CHAMP1: variants seen among roughly 807,000 people sequenced by gnomAD.
CHAMP1 encodes chromosome alignment-maintaining phosphoprotein 1.
A neutral mutation model predicts 54.5 loss-of-function variants in CHAMP1; 4 were observed. The ratio of observed to expected loss-of-function variants is 0.07; its 90% confidence interval spans 0.04 to 0.17. The LOEUF (loss-of-function observed/expected upper bound fraction) is 0.17. Among genes scored for constraint, CHAMP1 ranks in the 10% least tolerant of loss-of-function variants. CHAMP1 has a pLI of 1.00. For missense variants in CHAMP1, 994 were observed against 968.6 expected, an observed-to-expected ratio of 1.03 and a Z score of -0.35; for synonymous variants, 368 against 342.2, an observed-to-expected ratio of 1.08 and a Z score of -0.83.
chr13:114,324,721 C>T lies in CHAMP1; in HGVS notation c.879C>T (p.Phe293=). 6.2e-7 allele frequency: 1 copy of T among 1,613,826 alleles called. No homozygotes were observed. The highest frequency in any genetic ancestry group is 1.7e-5 in the Admixed American group (1 of 59,992). The change falls in exon 3 of 3, where the codon TTC becomes TTT. Residue 293 remains phenylalanine (F), a synonymous_variant. Coordinates refer to ENST00000361283, the MANE Select transcript of CHAMP1 (RefSeq NM_032436.4). ...AGTCTCCTGAACCTTGGAAGCCGTTCCCTGCTGTCTCCCCAGAGCCTAGGA... is the reference window on the plus strand; with the variant it reads ...AGTCTCCTGAACCTTGGAAGCCGTTTCCTGCTGTCTCCCCAGAGCCTAGGA... ...PSESPEPWKP[F]PAVSPEPRRP... is the part of the protein sequence containing the mutation.
In CHAMP1 at chr13:114,325,818, A is replaced by T; in HGVS notation, c.1976A>T (p.Asp659Val). The T allele has an allele frequency of 1.2e-6, 2 of 1,614,200 alleles. No homozygotes were observed. The highest frequency in any genetic ancestry group is 1.7e-6 in the Non-Finnish European group (2 of 1,180,036). ...QESSSDQEQVDVESIDFSKEN... is the reference protein window; with the variant it reads ...QESSSDQEQVVVESIDFSKEN... Reference sequence around the variant, plus strand: ...TCAAGCAGTGATCAAGAGCAGGTTGATGTGGAATCCATTGATTTTAGCAAA... The same window carrying T: ...TCAAGCAGTGATCAAGAGCAGGTTGTTGTGGAATCCATTGATTTTAGCAAA... Residue 659 changes from aspartate to valine, a missense_variant, in exon 3 of 3, where the codon GAT (aspartate) becomes GTT (valine). Asp to Val is a radical substitution (Grantham distance 152). Around this residue, in one of 3 missense-constraint regions of CHAMP1, gnomAD observed 851 missense variants for 701.3 expected, o/e 1.21. Coordinates refer to ENST00000361283, the MANE Select transcript of CHAMP1 (RefSeq NM_032436.4).
intron 1 of CHAMP1, among the ~76,000 whole-genome samples, chr13:114,319,053 A>G (rs1490238619): frequency 3.3e-5 from 5 of 151,690 alleles, no homozygotes; most frequent in Non-Finnish European, 7.4e-5. Context: ...TGTTTGTTTC[A>G]TCTTGTTTAT....
chr13:114,327,241 G>A lies in CHAMP1; in HGVS notation c.*960G>A, dbSNP rs922872358. The A allele has an allele frequency of 1.2e-5, 2 of 165,312 alleles. No homozygotes were observed. The highest frequency in any genetic ancestry group is 2.9e-5 in the Non-Finnish European group (2 of 68,102). The allele number at this position is 165,312 out of a possible 1,614,324, so 10.2% of individuals were successfully genotyped here. Reference sequence around the variant, plus strand: ...TCAATTATGTTACTGTAAATACCTTGTACCTGTTCATGGATTATTTTATTC... The same window carrying A: ...TCAATTATGTTACTGTAAATACCTTATACCTGTTCATGGATTATTTTATTC... On this transcript the variant is annotated 3_prime_UTR_variant, in exon 3 of 3. Coordinates refer to ENST00000361283, the MANE Select transcript of CHAMP1 (RefSeq NM_032436.4).
chr13:114,316,832 C>T (rs1039309591), intron 1 of CHAMP1, among the ~76,000 whole-genome samples: 2 of 150,022 alleles, frequency 1.3e-5, no homozygotes, highest in African/African-American at 2.5e-5. Context: ...ATCTAAAATG[C>T]TCCTTTTGGC....
intron 1 of CHAMP1, among the ~76,000 whole-genome samples, chr13:114,314,872 C>T (rs910935600): frequency 6.6e-6 from 1 of 152,156 alleles, no homozygotes; most frequent in South Asian, 2.1e-4. Context: ...CAGTCGCTGC[C>T]GAGGCTGGAA....
intron 1 of CHAMP1, among the ~76,000 whole-genome samples, chr13:114,318,890 G>A (rs1425834963): frequency 1.9e-5 from 1 of 51,502 alleles, no homozygotes; most frequent in African/African-American, 8.9e-5. Flanking sequence ...TTTTTTTAAT[G>A]TTCCCTAGTT....
At position 114,315,830 on chromosome 13, in the gene CHAMP1, G is replaced by GTT. The variant is rs1203081237; in HGVS notation, c.-179+1190_-179+1191dup. 2.4e-4 allele frequency among the ~76,000 whole-genome samples: 35 copies of GTT among 144,942 alleles called. 1 individual carries two copies. Among genetic ancestry groups the GTT allele is most frequent in the African/African-American group, 7.9e-4 (31 of 39,200 alleles). On this transcript the variant is annotated intron_variant, in intron 1 of 2. Coordinates refer to ENST00000361283, the MANE Select transcript of CHAMP1 (RefSeq NM_032436.4). ...GCTTTTAAAAATGATTAAATGGCAA[G>GTT]TTTTGTTTTTTTTTTTTTTTTTGAG... is the stretch of plus-strand genomic sequence containing the variant.
In CHAMP1 at chr13:114,324,765, C is replaced by T. The variant is rs1555379590; in HGVS notation, c.923C>T (p.Ser308Leu). 1.5e-5 allele frequency: 24 copies of T among 1,614,028 alleles called. No homozygotes were observed. Among genetic ancestry groups the T allele is most frequent in the Non-Finnish European group, 1.9e-5 (22 of 1,179,922 alleles). Residue 308 changes from serine to leucine, a missense_variant, in exon 3 of 3, where the codon TCA becomes TTA. Ser to Leu is a moderately radical substitution (Grantham distance 145). Around this residue, in one of 3 missense-constraint regions of CHAMP1, gnomAD observed 851 missense variants for 701.3 expected, o/e 1.21. Coordinates refer to ENST00000361283, the MANE Select transcript of CHAMP1 (RefSeq NM_032436.4). ...CCTAGGAGACCAGCCCCCGCTGTGTCACCAGGCTCTTGGAAACCAGGGCCA... is the reference window on the plus strand; with the variant it reads ...CCTAGGAGACCAGCCCCCGCTGTGTTACCAGGCTCTTGGAAACCAGGGCCA... ...PEPRRPAPAVSPGSWKPGPPG... is the reference protein window; with the variant it reads ...PEPRRPAPAVLPGSWKPGPPG...
In CHAMP1 at chr13:114,324,564, C is replaced by T; in HGVS notation, c.722C>T (p.Ser241Leu). Residue 241 changes from serine to leucine, a missense_variant, in exon 3 of 3, where the codon TCA (serine) becomes TTA (leucine). Physicochemically the swap from Ser to Leu is moderately radical, Grantham distance 145 (BLOSUM62 -2). Coordinates refer to ENST00000361283, the MANE Select transcript of CHAMP1 (RefSeq NM_032436.4). Reference sequence around the variant, plus strand: ...TTCCCGGAAACATTGGGGCCACCTTCAGCCTCATCTCCAGAGTCACCAGTT... The same window carrying T: ...TTCCCGGAAACATTGGGGCCACCTTTAGCCTCATCTCCAGAGTCACCAGTT... Reference protein sequence around the residue: ...SHFPETLGPPSASSPESPVLA... With the variant: ...SHFPETLGPPLASSPESPVLA... The T allele has an allele frequency of 6.2e-7, 1 of 1,614,156 alleles. No homozygotes were observed. The highest frequency in any genetic ancestry group is 8.5e-7 in the Non-Finnish European group (1 of 1,180,024).
At chr13:114,321,529 G>A (rs544758903) in intron 2 of CHAMP1, among the ~76,000 whole-genome samples, 1 of 152,232 alleles carries the variant, frequency 6.6e-6, no homozygotes, top group East Asian at 1.9e-4. Context: ...GCACACCTGA[G>A]CTCTTAGTCT....
chr13:114,316,807 C>T (rs2087105296), intron 1 of CHAMP1, among the ~76,000 whole-genome samples: 1 of 144,874 alleles, frequency 6.9e-6, no homozygotes, highest in Non-Finnish European at 1.5e-5. Context: ...ACTGGTTAAA[C>T]ATCCGTAATC....
chr13:114,324,367 G>A lies in CHAMP1; in HGVS notation c.525G>A (p.Glu175=), dbSNP rs782038403. The change falls in exon 3 of 3, where the codon GAG becomes GAA. Residue 175 remains glutamate, a synonymous_variant. Transcript: ENST00000361283. ...TACAGACACCTCTTCCTTCTCCTGA[G>A]CCTTCAAAACCTGCCTCTGTTTCTT... ...PELQTPLPSP[E]PSKPASVSSP... The A allele has an allele frequency of 6.2e-7, 1 of 1,614,034 alleles. No homozygotes were observed. The highest frequency in any genetic ancestry group is 8.5e-7 in the Non-Finnish European group (1 of 1,180,006).
rs2087236605 is a variant in CHAMP1, at chr13:114,325,503, C to T, written c.1661C>T (p.Pro554Leu). 1.2e-6 allele frequency: 2 copies of T among 1,614,136 alleles called. No homozygotes were observed. The highest frequency in any genetic ancestry group is 2.2e-5 in the East Asian group (1 of 44,888). ...EARKRALFPE[P>L]RKHALFPELP... ...CGCAAACGTGCCCTTTTTCCAGAGCCCCGGAAGCATGCCCTTTTCCCTGAA... is the reference window on the plus strand; with the variant it reads ...CGCAAACGTGCCCTTTTTCCAGAGCTCCGGAAGCATGCCCTTTTCCCTGAA... The change falls in exon 3 of 3, where the codon CCC becomes CTC. Residue 554 changes from proline to leucine, a missense_variant. By Grantham distance (98) the Pro-to-Leu change is moderately conservative. This residue lies in a region of CHAMP1 where 851 missense variants were observed against 701.3 expected (regional missense o/e 1.21). Coordinates refer to ENST00000361283, the MANE Select transcript of CHAMP1 (RefSeq NM_032436.4).
Position 114,323,938 on chromosome 13 carries a change from T to C in CHAMP1, c.96T>C (p.His32=). The C allele has an allele frequency of 6.2e-7, 1 of 1,614,208 alleles. No homozygotes were observed. The highest frequency in any genetic ancestry group is 1.1e-5 in the South Asian group (1 of 91,084). Residue 32 remains histidine, a synonymous_variant, in exon 3 of 3, where the codon CAT becomes CAC. Transcript: ENST00000361283. ...CAGACTATGAAAATGTACAAATCCA[T>C]ATGGGTACCATCCATCCAGAATTTT... ...RGTDYENVQI[H]MGTIHPEFCD... is the part of the protein sequence containing the mutation.
intron 1 of CHAMP1, among the ~76,000 whole-genome samples, chr13:114,316,159 ATTTTT>A (rs2087096678): frequency 6.7e-6 from 1 of 149,298 alleles, no homozygotes; most frequent in Admixed American, 6.6e-5. Flanking sequence ...TTTTGTTTTT[ATTTTT>A]GTTTTTGTTT....
At chr13:114,323,224 T>C (rs1555379254) in intron 2 of CHAMP1, 1 of 152,256 alleles carries the variant, frequency 6.6e-6, no homozygotes, top group Non-Finnish European at 1.5e-5. Flanking sequence ...TAGAATACTA[T>C]ATTGGGATAG....
chr13:114,322,025 T>C (rs2087178414), intron 2 of CHAMP1: 1 of 151,330 alleles, frequency 6.6e-6, no homozygotes, highest in African/African-American at 2.4e-5. Context: ...TTATCAAAGT[T>C]AGAAATGTTA....
intron 1 of CHAMP1, among the ~76,000 whole-genome samples, chr13:114,316,443 G>C (rs548563183): frequency 6.6e-6 from 1 of 151,584 alleles, no homozygotes; most frequent in South Asian, 2.1e-4. Context: ...GATTACAGGC[G>C]TGAGCCTGTG....
Position 114,325,076 on chromosome 13 carries a change from G to C in CHAMP1, c.1234G>C (p.Val412Leu). ...PTLSPEHWKA[V>L]PPVSPELRKP... is the part of the protein sequence containing the mutation. ...GTTGTCTCCTGAACATTGGAAGGCA[G>C]TTCCCCCAGTGTCTCCAGAGCTTCG... Residue 412 changes from valine (V) to leucine (L), a missense_variant, in exon 3 of 3, where the codon GTT (valine) becomes CTT (leucine). Val to Leu is a conservative substitution (Grantham distance 32). This residue lies in a region of CHAMP1 where 851 missense variants were observed against 701.3 expected (regional missense o/e 1.21). Coordinates refer to ENST00000361283, the MANE Select transcript of CHAMP1 (RefSeq NM_032436.4). 6.2e-7 allele frequency: 1 copy of C among 1,614,142 alleles called. No homozygotes were observed. The highest frequency in any genetic ancestry group is 8.5e-7 in the Non-Finnish European group (1 of 1,180,042).
Sources: allele counts gnomAD v4.1 joint callset (sites outside exome capture counted in the v4.1 genomes callset), GRCh38; gene constraint gnomAD v4.1.1; regional missense constraint gnomAD v4.1.1; transcripts MANE v1.5; gene names NCBI Gene and HGNC (gene_info 2026-07-23, HGNC 2026-07-21).